The following MYO3B variants were observed in gnomAD, a reference collection of about 807,000 sequenced individuals.
MYO3B encodes myosin IIIB.
Under a neutral mutation model 174.6 loss-of-function variants are expected in MYO3B, and 156 were observed. The observed-to-expected ratio is 0.89, with a 90% confidence interval of 0.78 to 1.02. MYO3B has a LOEUF of 1.02. MYO3B is among the 50% of genes least tolerant of loss of function. The pLI is 0.00. For synonymous variants in MYO3B, 563 were observed against 569.1 expected (o/e 0.99, Z 0.15); for missense variants, 1,632 against 1,639.4 (o/e 1.00, Z 0.08).
At chr2:170,386,771 G>A (rs770158816) in intron 13 of MYO3B, among the ~76,000 whole-genome samples, 153 of 152,172 alleles carry the variant, frequency 1.0e-3, no homozygotes, top group Non-Finnish European at 1.8e-3. Context: ...TTATAGATAA[G>A]GTTTATAGAC....
chr2:170,628,996 A>G (rs1559176430), intron 32 of MYO3B, among the ~76,000 whole-genome samples: 1 of 152,194 alleles, frequency 6.6e-6, no homozygotes, highest in Non-Finnish European at 1.5e-5. Context: ...ACAGTGAGAA[A>G]AGTCAAAATC....
Position 170,519,422 on chromosome 2 carries a change from CT to C in MYO3B, c.3473-13del. ...ACTTCTGAACATATGCTTAGCCCTC[CT>C]TTCTTTTCTCTCAGTTCTCAGGGGC... On this transcript the variant is annotated splice_polypyrimidine_tract_variant and intron_variant, in intron 29 of 34. Transcript: ENST00000408978. The C allele has an allele frequency of 6.2e-7, 1 of 1,610,120 alleles. No individual in the cohort carries two copies. The highest frequency in any genetic ancestry group is 8.5e-7 in the Non-Finnish European group (1 of 1,176,924).
In MYO3B at chr2:170,391,477, G is replaced by A. The variant is rs1222374031; in HGVS notation, c.1578-43G>A. 6 of 962,084 alleles carry A rather than the reference G, an allele frequency of 6.2e-6. No individual in the cohort carries two copies. The African/African-American group carries it at 6.9e-5, about 11-fold the overall frequency. 59.6% of individuals were successfully genotyped at this position (962,084 alleles called of 1,614,324 possible). A position where few individuals can be genotyped will look rare whatever the true frequency, so the allele number is the denominator to read the frequency against. Reference sequence around the variant, plus strand: ...AAATGGTGTAAAATACTTGGGATGGGGAAGCCAGAATATATTATTACTAAA... The same window carrying A: ...AAATGGTGTAAAATACTTGGGATGGAGAAGCCAGAATATATTATTACTAAA... On this transcript the variant is annotated intron_variant, in intron 14 of 34. Coordinates refer to ENST00000408978, the MANE Select transcript of MYO3B (RefSeq NM_138995.5).
chr2:170,186,819 T>G (rs67546103), intron 1 of MYO3B, among the ~76,000 whole-genome samples: 74,933 of 151,848 alleles, frequency 0.49, 19,508 homozygotes, highest in East Asian at 0.87. Context: ...GTCTATTTAG[T>G]TTTTGGATTT....
At chr2:170,601,617 T>C in intron 32 of MYO3B, 1 of 1,242,824 alleles carries the variant, frequency 8.0e-7, no homozygotes, top group Non-Finnish European at 1.2e-6. Flanking sequence ...AACTTATTCA[T>C]CATCATCTTC....
At chr2:170,595,763 G>C (rs1290586883) in intron 32 of MYO3B, among the ~76,000 whole-genome samples, 1 of 152,096 alleles carries the variant, frequency 6.6e-6, no homozygotes, top group Non-Finnish European at 1.5e-5. Context: ...GGTATTCCGA[G>C]CTATCCAAGG....
At chr2:170,472,502 G>A (rs1391634056) in intron 25 of MYO3B, among the ~76,000 whole-genome samples, 1 of 152,078 alleles carries the variant, frequency 6.6e-6, no homozygotes, top group African/African-American at 2.4e-5. Context: ...TTAGGTCTTT[G>A]ACCAGGCATT....
At chr2:170,386,782 T>G (rs1351393695) in intron 13 of MYO3B, among the ~76,000 whole-genome samples, 1 of 152,244 alleles carries the variant, frequency 6.6e-6, no homozygotes, top group Non-Finnish European at 1.5e-5. Context: ...GTTTATAGAC[T>G]ATTACGATAA....
intron 32 of MYO3B, among the ~76,000 whole-genome samples, chr2:170,649,163 TATATAATATATTATATATAAA>T (rs1559201356): frequency 5.9e-5 from 4 of 67,986 alleles, no homozygotes; most frequent in African/African-American, 3.1e-4. Context: ...TATAAAATAA[TATATAATATATTATATATAAA>T]ATAATATATA....
intron 25 of MYO3B, among the ~76,000 whole-genome samples, chr2:170,469,976 C>T (rs571218431): frequency 6.6e-6 from 1 of 151,792 alleles, no homozygotes; most frequent in Non-Finnish European, 1.5e-5. Context: ...TTGGTGCATG[C>T]CTGTAATCCC....
At chr2:170,414,518 C>T (rs116535106) in intron 22 of MYO3B, among the ~76,000 whole-genome samples, 2,041 of 152,238 alleles carry the variant, frequency 0.013, 65 homozygotes, top group African/African-American at 0.046. Context: ...TAGTATGATT[C>T]CTTCAACTTT....
chr2:170,286,473 T>G (rs2093557226), intron 7 of MYO3B, among the ~76,000 whole-genome samples: 1 of 152,194 alleles, frequency 6.6e-6, no homozygotes. Flanking sequence ...TTTAGAGGCT[T>G]TCCTGGATTA....
At chr2:170,407,235 G>A (rs2094515659) in intron 21 of MYO3B, among the ~76,000 whole-genome samples, 1 of 152,138 alleles carries the variant, frequency 6.6e-6, no homozygotes, top group African/African-American at 2.4e-5. Context: ...GCCGAGGCGG[G>A]TGGATCACGA....
chr2:170,543,048 C>T (rs1444394652), intron 31 of MYO3B, 82 bp downstream of exon 31: 54 of 1,172,850 alleles, frequency 4.6e-5, no homozygotes, highest in East Asian at 2.2e-4. Context: ...AGCTTGTCTG[C>T]GGCTGCGTGG....
At chr2:170,226,546 A>T (rs1273433349) in intron 6 of MYO3B, among the ~76,000 whole-genome samples, 2 of 152,216 alleles carry the variant, frequency 1.3e-5, no homozygotes, top group Non-Finnish European at 2.9e-5. Flanking sequence ...TTTTCACCTC[A>T]GCTCCAGCGA....
intron 28 of MYO3B, among the ~76,000 whole-genome samples, chr2:170,511,084 G>C (rs1229214708): frequency 6.7e-6 from 1 of 149,070 alleles, no homozygotes; most frequent in Non-Finnish European, 1.5e-5. Flanking sequence ...TTTTGAGACG[G>C]AGTCTCACTC....
intron 23 of MYO3B, among the ~76,000 whole-genome samples, chr2:170,462,240 C>T (rs925173477): frequency 1.3e-5 from 2 of 152,220 alleles, no homozygotes; most frequent in Non-Finnish European, 2.9e-5. Flanking sequence ...CCGTGCAGCT[C>T]ATTAAAATAA....
chr2:170,547,894 G>A (rs533446963), intron 32 of MYO3B, among the ~76,000 whole-genome samples: 32 of 152,064 alleles, frequency 2.1e-4, no homozygotes, highest in East Asian at 9.6e-4. Context: ...TGGCCCAGGC[G>A]TAGAGGGTGA....
chr2:170,183,771 T>C (rs1451622354), intron 1 of MYO3B, among the ~76,000 whole-genome samples: 1 of 152,182 alleles, frequency 6.6e-6, no homozygotes, highest in African/African-American at 2.4e-5. Context: ...TTATTAGCAA[T>C]GGTTGTAGAA....
Sources: allele counts gnomAD v4.1 joint callset (sites outside exome capture counted in the v4.1 genomes callset), GRCh38; gene constraint gnomAD v4.1.1; transcripts MANE v1.5; gene names NCBI Gene and HGNC (gene_info 2026-07-23, HGNC 2026-07-21).